Variants in MICU3 observed in about 807,000 individuals in gnomAD.
The protein encoded by MICU3 is mitochondrial calcium uptake 3.
A neutral mutation model predicts 66.5 loss-of-function variants in MICU3; 62 were observed. That is an observed-to-expected ratio of 0.93 (90% CI 0.76 to 1.15). The LOEUF (loss-of-function observed/expected upper bound fraction) is 1.15. Among genes scored for constraint, MICU3 ranks in the 50% most tolerant of loss-of-function variants. The probability of loss-of-function intolerance (pLI) is 0.00; values close to 1 mark genes in which losing one functional copy is unlikely to be tolerated. For missense variants in MICU3, 779 were observed against 664.4 expected, an observed-to-expected ratio of 1.17 and a Z score of -1.90; for synonymous variants, 308 against 240.7, an observed-to-expected ratio of 1.28 and a Z score of -2.59.
Position 17,039,895 on chromosome 8 carries a change from C to CTTTTTTTTTTTTTTTTTTTTT in MICU3, c.381+12244_381+12264dup, listed in dbSNP as rs35133600. Among the ~76,000 whole-genome samples, 2 of 62,492 alleles carry CTTTTTTTTTTTTTTTTTTTTT rather than the reference C, an allele frequency of 3.2e-5. 1 individual carries two copies. Among genetic ancestry groups the CTTTTTTTTTTTTTTTTTTTTT allele is most frequent in the Non-Finnish European group, 5.4e-5 (2 of 36,840 alleles). 41.0% of individuals were successfully genotyped at this position (62,492 alleles called of 152,430 possible). ...ATGAAGGTATCCATCATCTTGCATT[C>CTTTTTTTTTTTTTTTTTTTTT]TTTTTTTTTTTTTTTTTTTTTTTTT... On this transcript the variant is annotated intron_variant, in intron 1 of 14. Coordinates refer to ENST00000318063, the MANE Select transcript of MICU3 (RefSeq NM_181723.3).
chr8:17,083,908 A>G (rs1390284648), intron 5 of MICU3, among the ~76,000 whole-genome samples: 1 of 152,110 alleles, frequency 6.6e-6, no homozygotes, highest in Non-Finnish European at 1.5e-5. Context: ...AGTGTTGGCT[A>G]GGGTAGCCAA....
At chr8:17,100,653 A>G (rs1034724355) in intron 9 of MICU3, among the ~76,000 whole-genome samples, 1 of 151,678 alleles carries the variant, frequency 6.6e-6, no homozygotes, top group Admixed American at 6.6e-5. Context: ...TCTGTTTATT[A>G]TAGGGAAATT....
the MICU3 span, among the ~76,000 whole-genome samples, chr8:17,127,969 G>C: frequency 1.3e-5 from 2 of 152,128 alleles, no homozygotes; most frequent in Non-Finnish European, 1.5e-5. Context: ...AATTGGACTT[G>C]CTAGAAATCA....
rs1811156303 is a variant in MICU3, at chr8:17,027,337, G to A, written c.58G>A (p.Ala20Thr). ...ACCCCGGGTGTCTCCTCCACTCTGCGCTCACCAGCCCCTCCTTGGGCCGTG... is the reference window on the plus strand; with the variant it reads ...ACCCCGGGTGTCTCCTCCACTCTGCACTCACCAGCCCCTCCTTGGGCCGTG... ...PPPRVSPPLC[A>T]HQPLLGPWGR... Residue 20 changes from alanine (A) to threonine (T), a missense_variant, in exon 1 of 15, where the codon GCT (alanine) becomes ACT (threonine). By Grantham distance (58) the Ala-to-Thr change is moderately conservative (BLOSUM62 0). Transcript: ENST00000318063. 3 of 1,529,572 alleles carry A rather than the reference G, an allele frequency of 2.0e-6. 1 individual carries two copies. The highest frequency in any genetic ancestry group is 1.4e-5 in the African/African-American group (1 of 69,712). The allele number at this position is 1,529,572 out of a possible 1,614,324, so 94.8% of individuals were successfully genotyped here.
chr8:17,097,024 A>T (rs577571700), intron 8 of MICU3, among the ~76,000 whole-genome samples: 1 of 147,346 alleles, frequency 6.8e-6, no homozygotes, highest in African/African-American at 2.5e-5. Context: ...GGAAGTAAGG[A>T]TGAGGCATGG....
At chr8:17,124,836 C>T (rs540757792), downstream of MICU3, among the ~76,000 whole-genome samples, 20 of 152,090 alleles carry the variant, frequency 1.3e-4, no homozygotes, top group East Asian at 3.7e-3. Flanking sequence ...CCAGTTTGTT[C>T]CCAAGAAATC....
rs148632666 is a variant in MICU3 at position 17,031,441 on chromosome 8, A to G, written c.381+3781A>G. 8.3e-3 allele frequency among the ~76,000 whole-genome samples: 1,267 copies of G among 151,780 alleles called. 14 individuals carry two copies. The highest frequency in any genetic ancestry group is 0.029 in the African/African-American group (1,191 of 41,380). On this transcript the variant is annotated intron_variant, in intron 1 of 14. Coordinates refer to ENST00000318063, the MANE Select transcript of MICU3 (RefSeq NM_181723.3). ...GCTAGGATTACAGGCGCCGGCCACC[A>G]TGACCAGCTAATTTTTTTTGTATTT... is the stretch of plus-strand genomic sequence containing the variant.
chr8:17,095,278 GTC>G (rs1800548490), intron 8 of MICU3, among the ~76,000 whole-genome samples: 1 of 151,916 alleles, frequency 6.6e-6, no homozygotes, highest in Admixed American at 6.6e-5. Context: ...TTGTTGGAAA[GTC>G]TCTGTTCAGA....
intron 1 of MICU3, among the ~76,000 whole-genome samples, chr8:17,062,038 T>G (rs528287209): frequency 4.6e-5 from 7 of 152,306 alleles, no homozygotes; most frequent in African/African-American, 1.7e-4. Context: ...CTTAAGAATC[T>G]CCTAAGACCA....
chr8:17,106,337 C>T (rs1291673696), intron 11 of MICU3, among the ~76,000 whole-genome samples: 4 of 151,240 alleles, frequency 2.6e-5, no homozygotes, highest in East Asian at 1.9e-4. Flanking sequence ...TTCCATTTCC[C>T]CTAAGGAATG....
intron 8 of MICU3, among the ~76,000 whole-genome samples, chr8:17,095,608 C>T (rs1482399491): frequency 6.6e-6 from 1 of 151,914 alleles, no homozygotes; most frequent in Non-Finnish European, 1.5e-5. Context: ...ACCCTTTATT[C>T]AGACAGGGTA....
chr8:17,087,709 T>C (rs1333422847), intron 7 of MICU3, among the ~76,000 whole-genome samples: 1 of 152,044 alleles, frequency 6.6e-6, no homozygotes, highest in Non-Finnish European at 1.5e-5. Context: ...GTATCCATAA[T>C]TATAGATGAG....
intron 3 of MICU3, among the ~76,000 whole-genome samples, chr8:17,074,206 A>G (rs1370908497): frequency 6.6e-6 from 1 of 151,898 alleles, no homozygotes; most frequent in African/African-American, 2.4e-5. Context: ...AATTTTCTAG[A>G]GGCTGTTTGG....
chr8:17,119,132 G>C (rs1191616570), intron 14 of MICU3, among the ~76,000 whole-genome samples: 1 of 152,082 alleles, frequency 6.6e-6, no homozygotes, highest in Non-Finnish European at 1.5e-5. Flanking sequence ...TCCACAGGTA[G>C]TATCTCATTT....
rs1462770374 is a variant in MICU3, at chr8:17,067,482, C to T, written c.536-2206C>T. Reference sequence around the variant, plus strand: ...ACTCGCTCTGTCAACTAGGCTGGACCGCAATGGGGTGATCTCAGCTCACTG... The same window carrying T: ...ACTCGCTCTGTCAACTAGGCTGGACTGCAATGGGGTGATCTCAGCTCACTG... On this transcript the variant is annotated intron_variant, in intron 2 of 14. Transcript: ENST00000318063. Among the ~76,000 whole-genome samples, 4 of 151,780 alleles carry T rather than the reference C, an allele frequency of 2.6e-5. No homozygotes were observed. The South Asian group carries it at 6.2e-4, about 24-fold the overall frequency.
intron 1 of MICU3, among the ~76,000 whole-genome samples, chr8:17,058,118 C>T (rs1401519257): frequency 1.3e-5 from 2 of 152,072 alleles, no homozygotes; most frequent in South Asian, 2.1e-4. Context: ...CAAAAGTACC[C>T]TATTGACTTT....
At chr8:17,106,734 AT>A (rs914473044) in intron 11 of MICU3, among the ~76,000 whole-genome samples, 23 of 150,116 alleles carry the variant, frequency 1.5e-4, no homozygotes, top group Non-Finnish European at 2.5e-4. Context: ...ATTCTCATTG[AT>A]TTTTTTTTTC....
intron 1 of MICU3, among the ~76,000 whole-genome samples, chr8:17,060,230 G>C (rs2150608479): frequency 6.6e-6 from 1 of 151,870 alleles, no homozygotes; most frequent in East Asian, 1.9e-4. Flanking sequence ...AGTTCTCCTA[G>C]TTGATAATAA....
At chr8:17,074,763 T>G (rs1225696085) in intron 3 of MICU3, among the ~76,000 whole-genome samples, 3 of 152,048 alleles carry the variant, frequency 2.0e-5, no homozygotes, top group Non-Finnish European at 2.9e-5. Context: ...AACTATAATT[T>G]TTTTAATAGT....
Sources: gnomAD v4.1 joint callset for allele counts (sites outside exome capture counted in the v4.1 genomes callset) on GRCh38, gnomAD v4.1.1 for gene constraint, MANE v1.5 for transcripts, NCBI Gene and HGNC (gene_info 2026-07-23, HGNC 2026-07-21) for gene names.